Variants in IPO11 observed in about 807,000 individuals in gnomAD.
The protein encoded by IPO11 is importin-11.
Under a neutral mutation model 143.2 loss-of-function variants are expected in IPO11, and 66 were observed. The ratio of observed to expected loss-of-function variants is 0.46; its 90% CI spans 0.38 to 0.57. IPO11 has a LOEUF of 0.57. IPO11 is among the 20% of genes least tolerant of loss of function. IPO11 has a pLI of 0.00. For missense variants in IPO11, 1,026 were observed against 1,141.0 expected (o/e 0.90, Z 1.45); for synonymous variants, 385 against 377.8 (o/e 1.02, Z -0.22).
rs780813268 is a variant in IPO11, at chr5:62,571,850, T to A, written c.2582+10593T>A. On this transcript the variant is annotated intron_variant, in intron 27 of 29. Transcript: ENST00000325324. ...ACAGGCGCACACCACCACGCCCAGC[T>A]CATTTTTGTATTTTTAGTAGAGATA... 1.6e-4 allele frequency among the ~76,000 whole-genome samples: 25 copies of A among 152,072 alleles called. 1 individual carries two copies. Among genetic ancestry groups the A allele is most frequent in the Non-Finnish European group, 1.8e-4 (12 of 68,002 alleles).
At chr5:62,484,267 T>C in intron 11 of IPO11, 105 bp downstream of exon 11, 1 of 897,126 alleles carries the variant, frequency 1.1e-6, no homozygotes, top group Non-Finnish European at 1.6e-6. Context: ...ACTTTTGATC[T>C]GGAAATCTTG....
At chr5:62,458,941 G>T (rs1317095459) in intron 5 of IPO11, among the ~76,000 whole-genome samples, 1 of 152,116 alleles carries the variant, frequency 6.6e-6, no homozygotes, top group Non-Finnish European at 1.5e-5. Context: ...GTATCTAAAA[G>T]TTGCTTTTGA....
chr5:62,435,218 A>ATG (rs1561309256), intron 1 of IPO11, among the ~76,000 whole-genome samples: 2 of 141,404 alleles, frequency 1.4e-5, no homozygotes, highest in South Asian at 2.1e-4. Context: ...ATGTGTATAT[A>ATG]TATATATATC....
intron 9 of IPO11, among the ~76,000 whole-genome samples, chr5:62,480,943 T>G (rs1298671299): frequency 8.0e-6 from 1 of 124,610 alleles, no homozygotes; most frequent in Non-Finnish European, 1.6e-5. Flanking sequence ...GGAGACAGAG[T>G]CTTGCTCTGT....
chr5:62,609,355 C>T (rs928879382), intron 29 of IPO11, among the ~76,000 whole-genome samples: 1 of 152,214 alleles, frequency 6.6e-6, no homozygotes, highest in African/African-American at 2.4e-5. Flanking sequence ...GCTATAGCAT[C>T]ACCAGCACAA....
intron 6 of IPO11, among the ~76,000 whole-genome samples, chr5:62,469,586 T>G (rs1561323703): frequency 6.6e-6 from 1 of 152,198 alleles, no homozygotes; most frequent in Non-Finnish European, 1.5e-5. Flanking sequence ...TACCATGGAA[T>G]CCATCAATAA....
At chr5:62,500,240 C>A (rs1741303043) in intron 16 of IPO11, among the ~76,000 whole-genome samples, 1 of 152,160 alleles carries the variant, frequency 6.6e-6, no homozygotes, top group South Asian at 2.1e-4. Context: ...CATGATCATG[C>A]CACTGCAGTT....
intron 6 of IPO11, among the ~76,000 whole-genome samples, chr5:62,469,962 C>T (rs929948503): frequency 1.3e-5 from 2 of 152,066 alleles, no homozygotes; most frequent in Admixed American, 1.3e-4. Flanking sequence ...TCAGTTACTG[C>T]AGGTAAGAAG....
At chr5:62,592,874 G>C (rs1203634899) in intron 28 of IPO11, among the ~76,000 whole-genome samples, 1 of 152,184 alleles carries the variant, frequency 6.6e-6, no homozygotes, top group Admixed American at 6.5e-5. Context: ...TCCCTCCCAT[G>C]ACACATGGGG....
At chr5:62,476,616 A>G in intron 8 of IPO11, 67 bp from the exon 9 acceptor site, 1 of 1,431,880 alleles carries the variant, frequency 7.0e-7, no homozygotes, top group Non-Finnish European at 9.3e-7. Context: ...TTATTTTTGT[A>G]AAAATTTTGA....
At chr5:62,487,629 T>C in intron 12 of IPO11, 142 bp from the exon 13 acceptor site, 3 of 772,498 alleles carry the variant, frequency 3.9e-6, no homozygotes, top group Non-Finnish European at 5.0e-6. Context: ...ATGGTAACCT[T>C]ACTTTTTTTT....
At chr5:62,495,505 C>T (rs1212073007) in intron 16 of IPO11, among the ~76,000 whole-genome samples, 3 of 152,114 alleles carry the variant, frequency 2.0e-5, no homozygotes, top group African/African-American at 7.2e-5. Context: ...GACTGAGTCT[C>T]TCTTTTTTGC....
At chr5:62,440,636 C>A (rs528302666) in intron 2 of IPO11, among the ~76,000 whole-genome samples, 111 of 151,700 alleles carry the variant, frequency 7.3e-4, no homozygotes, top group African/African-American at 2.6e-3. Flanking sequence ...GGATTACAGG[C>A]GTGAGCCACT....
chr5:62,448,257 A>G (rs956271446), intron 3 of IPO11, among the ~76,000 whole-genome samples: 5 of 151,964 alleles, frequency 3.3e-5, no homozygotes, highest in South Asian at 2.1e-4. Flanking sequence ...GTGCTTGACA[A>G]AGGAATAATT....
intron 26 of IPO11, among the ~76,000 whole-genome samples, chr5:62,556,272 C>T (rs1002470041): frequency 6.6e-6 from 1 of 152,160 alleles, no homozygotes; most frequent in Non-Finnish European, 1.5e-5. Context: ...TTGCAGTGAG[C>T]TGAGATTGCA....
chr5:62,554,827 T>A (rs897171140), intron 26 of IPO11, among the ~76,000 whole-genome samples: 1 of 152,146 alleles, frequency 6.6e-6, no homozygotes, highest in Non-Finnish European at 1.5e-5. Context: ...GCAGTTCTCC[T>A]GACTCAGCCT....
intron 1 of IPO11, among the ~76,000 whole-genome samples, chr5:62,428,191 C>T (rs1315024606): frequency 6.6e-6 from 1 of 151,752 alleles, no homozygotes; most frequent in Non-Finnish European, 1.5e-5. Context: ...TTGTTGAAAC[C>T]GTAGACACTT....
At chr5:62,451,982 G>A (rs1426734901) in intron 5 of IPO11, 49 bp downstream of exon 5, 1 of 1,477,236 alleles carries the variant, frequency 6.8e-7, no homozygotes, top group Non-Finnish European at 9.4e-7. Context: ...TGTGCGGCCG[G>A]GCGTGGTGGC....
intron 1 of IPO11, among the ~76,000 whole-genome samples, chr5:62,430,063 C>T (rs910931973): frequency 1.1e-4 from 17 of 152,064 alleles, no homozygotes; most frequent in Admixed American, 9.8e-4. Context: ...GGCTGAAATA[C>T]GCATTTTATT....
Sources: gnomAD v4.1 joint callset for allele counts (sites outside exome capture counted in the v4.1 genomes callset) on GRCh38, gnomAD v4.1.1 for gene constraint, MANE v1.5 for transcripts, NCBI Gene and HGNC (gene_info 2026-07-23, HGNC 2026-07-21) for gene names.